CLEC16A: variants seen among roughly 807,000 people sequenced by gnomAD.
The protein encoded by CLEC16A is protein CLEC16A.
CLEC16A carries 51 observed loss-of-function variants against 109.5 expected under a neutral mutation model. The observed-to-expected ratio is 0.47, with a 90% confidence interval of 0.37 to 0.59. The LOEUF (loss-of-function observed/expected upper bound fraction) is 0.59, where lower values mean the gene tolerates loss of function less well. Among genes scored for constraint, CLEC16A ranks in the 20% least tolerant of loss-of-function variants. The pLI is 0.00. For missense variants in CLEC16A, 1,339 were observed against 1,394.0 expected (o/e 0.96, Z 0.63); for synonymous variants, 673 against 564.2 (o/e 1.19, Z -2.73).
At chr16:11,049,949 C>G (rs1336850913) in intron 17 of CLEC16A, among the ~76,000 whole-genome samples, 1 of 152,242 alleles carries the variant, frequency 6.6e-6, no homozygotes, top group East Asian at 1.9e-4. Context: ...AGGCAAGCAG[C>G]ATGCACCAAG....
intron 16 of CLEC16A, among the ~76,000 whole-genome samples, chr16:11,045,715 T>C (rs963817413): frequency 6.6e-6 from 1 of 152,184 alleles, no homozygotes; most frequent in Non-Finnish European, 1.5e-5. Flanking sequence ...AGTGATGGTT[T>C]CCCCTCTTAA....
In CLEC16A at chr16:11,174,154, T is replaced by A. The variant is rs1242006037; in HGVS notation, c.2807-4181T>A. Reference sequence around the variant, plus strand: ...ATCTGTCGCTGTGTTTTCCCTCTAGTCAGGAGTGGCAGGAAAGGACGCCGA... The same window carrying A: ...ATCTGTCGCTGTGTTTTCCCTCTAGACAGGAGTGGCAGGAAAGGACGCCGA... On this transcript the variant is annotated intron_variant, in intron 23 of 23. Transcript: ENST00000409790. This position sits in a 1 kb window ranked among gnomAD's most constrained non-coding sequence, Gnocchi z 4.7. The A allele has an allele frequency of 2.1e-6, 1 of 470,166 alleles. No individual in the cohort carries two copies. Among genetic ancestry groups the A allele is most frequent in the Non-Finnish European group, 4.4e-6 (1 of 226,642 alleles). 29.1% of individuals were successfully genotyped at this position (470,166 alleles called of 1,614,324 possible). A position where few individuals can be genotyped will look rare whatever the true frequency, so the allele number is the denominator to read the frequency against.
rs2042240773 is a variant in CLEC16A, at chr16:10,961,350, C to T, written c.210-1105C>T. On this transcript the variant is annotated intron_variant, in intron 2 of 23. Coordinates refer to ENST00000409790, the MANE Select transcript of CLEC16A (RefSeq NM_015226.3). This position sits in a 1 kb window ranked among gnomAD's most constrained non-coding sequence, Gnocchi z 4.3. Reference sequence around the variant, plus strand: ...GAATCAGGCAGCACTGAGTAAGTTCCAGGCCCATGACCTCACCACTGTGGA... The same window carrying T: ...GAATCAGGCAGCACTGAGTAAGTTCTAGGCCCATGACCTCACCACTGTGGA... Among the ~76,000 whole-genome samples, 1 of 152,146 alleles carries T rather than the reference C, an allele frequency of 6.6e-6. No homozygotes were observed. Among genetic ancestry groups the T allele is most frequent in the Non-Finnish European group, 1.5e-5 (1 of 68,034 alleles).
At chr16:10,985,213 A>AT (rs1461268289) in intron 10 of CLEC16A, among the ~76,000 whole-genome samples, 5 of 134,760 alleles carry the variant, frequency 3.7e-5, no homozygotes, top group Admixed American at 7.2e-5. Flanking sequence ...AAAAAAAAAA[A>AT]AAAAAAAATA....
At chr16:10,973,609 C>T (rs1268783590) in intron 7 of CLEC16A, among the ~76,000 whole-genome samples, 1 of 151,912 alleles carries the variant, frequency 6.6e-6, no homozygotes, top group Non-Finnish European at 1.5e-5. Context: ...TGCTCTGTCA[C>T]CCAGGCTGGA....
chr16:11,103,226 G>C (rs2051025013), intron 19 of CLEC16A, among the ~76,000 whole-genome samples: 1 of 152,226 alleles, frequency 6.6e-6, no homozygotes, highest in Admixed American at 6.5e-5. Context: ...GAGAGGCCCA[G>C]TGGCGCTGCT....
chr16:10,992,870 T>A (rs1208490524), intron 10 of CLEC16A, among the ~76,000 whole-genome samples: 1 of 152,012 alleles, frequency 6.6e-6, no homozygotes, highest in Non-Finnish European at 1.5e-5. Flanking sequence ...TTGGGAGGTA[T>A]GATGAGGGAA....
At chr16:11,160,529 C>A (rs966804779) in intron 22 of CLEC16A, among the ~76,000 whole-genome samples, 2 of 152,172 alleles carry the variant, frequency 1.3e-5, no homozygotes, top group African/African-American at 2.4e-5. Flanking sequence ...TCTTTCCCTT[C>A]AGCCCACCAC....
At chr16:10,983,249 C>T (rs1043241779) in intron 10 of CLEC16A, among the ~76,000 whole-genome samples, 8 of 152,188 alleles carry the variant, frequency 5.3e-5, no homozygotes, top group African/African-American at 1.9e-4. Context: ...GGTTGCATAT[C>T]TGTGAGACAC....
At chr16:11,054,308 C>G (rs78905090) in intron 18 of CLEC16A, among the ~76,000 whole-genome samples, 3 of 152,348 alleles carry the variant, frequency 2.0e-5, no homozygotes, top group African/African-American at 7.2e-5. Context: ...CTACTCTGAG[C>G]TGCTGTCTCC....
At chr16:11,102,485 G>A (rs988052951) in intron 19 of CLEC16A, among the ~76,000 whole-genome samples, 2 of 152,242 alleles carry the variant, frequency 1.3e-5, no homozygotes, top group Non-Finnish European at 2.9e-5. Flanking sequence ...TCAGACTGCT[G>A]TGCCGGTAAG....
At chr16:11,068,688 C>T (rs1040972206) in intron 19 of CLEC16A, among the ~76,000 whole-genome samples, 8 of 152,356 alleles carry the variant, frequency 5.3e-5, no homozygotes, top group East Asian at 1.9e-4. Flanking sequence ...AGCTCAACTT[C>T]CAGTTGGTCA....
intron 19 of CLEC16A, among the ~76,000 whole-genome samples, chr16:11,118,042 A>G (rs908556182): frequency 1.6e-4 from 25 of 151,972 alleles, no homozygotes; most frequent in African/African-American, 5.8e-4. Context: ...TGGTACACTC[A>G]TGGCTCACTG....
intron 11 of CLEC16A, among the ~76,000 whole-genome samples, chr16:11,005,452 C>A (rs2044942531): frequency 6.6e-6 from 1 of 152,188 alleles, no homozygotes; most frequent in East Asian, 1.9e-4. Flanking sequence ...GTTGGTGCTT[C>A]AGGGCTCAGT....
intron 23 of CLEC16A, among the ~76,000 whole-genome samples, chr16:11,175,936 A>C (rs950763490): frequency 1.3e-5 from 2 of 152,250 alleles, no homozygotes; most frequent in Non-Finnish European, 2.9e-5. Context: ...AATTTTAAGA[A>C]AACGTGAAGG....
intron 2 of CLEC16A, among the ~76,000 whole-genome samples, chr16:10,959,577 A>G (rs925069350): frequency 6.6e-6 from 1 of 152,028 alleles, no homozygotes; most frequent in Non-Finnish European, 1.5e-5. Context: ...TTTTTAGTAG[A>G]GATGGTGTTT....
chr16:11,082,111 C>A (rs915488280), intron 19 of CLEC16A, among the ~76,000 whole-genome samples: 85 of 152,324 alleles, frequency 5.6e-4, no homozygotes, highest in African/African-American at 2.0e-3. Context: ...AATTGAAGTT[C>A]TGTGAAGGTT....
rs116164606 is a variant in CLEC16A at position 11,049,457 on chromosome 16, C to A, written c.1867-2056C>A. ...AACAAATACTTCCTCCCCCTCCCAC[C>A]ATGGGGAGCTTCCCAGGTTTTTTTG... On this transcript the variant is annotated intron_variant, in intron 17 of 23. Transcript: ENST00000409790. Among the ~76,000 whole-genome samples, 932 of 151,202 alleles carry A rather than the reference C, an allele frequency of 6.2e-3. 12 individuals are homozygous for A. Among genetic ancestry groups the A allele is most frequent in the African/African-American group, 0.022 (894 of 40,758 alleles).
At chr16:11,009,610 A>G (rs1170219071) in intron 11 of CLEC16A, among the ~76,000 whole-genome samples, 55 of 152,284 alleles carry the variant, frequency 3.6e-4, no homozygotes, top group Non-Finnish European at 4.4e-5. Flanking sequence ...CGTACCACCT[A>G]CAAGGCTAGG....
Sources: gnomAD v4.1 joint callset for allele counts (sites outside exome capture counted in the v4.1 genomes callset) on GRCh38, gnomAD v4.1.1 for gene constraint, Gnocchi (gnomAD v3.1) non-coding constraint, MANE v1.5 for transcripts, NCBI Gene and HGNC (gene_info 2026-07-23, HGNC 2026-07-21) for gene names.